Variants in SDCCAG8 observed in about 807,000 individuals in gnomAD.
SDCCAG8 encodes the protein SHH signaling and ciliogenesis regulator SDCCAG8.
In SDCCAG8, 74 loss-of-function variants were observed where a neutral mutation model predicts 101.8. The observed-to-expected ratio is 0.73, with a 90% CI of 0.60 to 0.88. SDCCAG8 has a LOEUF of 0.88. Ranked by LOEUF, SDCCAG8 falls within the 40% of genes least tolerant of loss-of-function variation. The pLI is 0.00. For missense variants in SDCCAG8, 787 were observed against 822.6 expected, an observed-to-expected ratio of 0.96 and a Z score of 0.53; for synonymous variants, 281 against 292.9, an observed-to-expected ratio of 0.96 and a Z score of 0.41.
At chr1:243,293,401 CT>C (rs1328631692) in intron 6 of SDCCAG8, 182 bp downstream of exon 6, 4 of 757,564 alleles carry the variant, frequency 5.3e-6, no homozygotes, top group Non-Finnish European at 6.8e-6. Flanking sequence ...ATTTTCAGAA[CT>C]TTTTGATCAT....
chr1:243,348,160 C>T (rs1180855907), intron 12 of SDCCAG8, among the ~76,000 whole-genome samples: 3 of 150,838 alleles, frequency 2.0e-5, no homozygotes, highest in Non-Finnish European at 3.0e-5. Context: ...CTCAGCCTCC[C>T]GAGTAGCTGG....
chr1:243,334,725 G>C (rs1046048698), intron 10 of SDCCAG8, among the ~76,000 whole-genome samples: 4 of 152,054 alleles, frequency 2.6e-5, no homozygotes, highest in Admixed American at 2.6e-4. Context: ...CAGGTAGCTG[G>C]GACTAGAGAG....
rs902664548 is a variant in SDCCAG8 at position 243,304,737 on chromosome 1, G to A, written c.700G>A (p.Glu234Lys). ...ELEKLKLTYE[E>K]KCEIEESQLK... is the part of the protein sequence containing the mutation. Reference sequence around the variant, plus strand: ...GGAGAAGCTAAAACTTACTTATGAGGAAAAGTGTGAAATTGAGGAATCCCA... The same window carrying A: ...GGAGAAGCTAAAACTTACTTATGAGAAAAAGTGTGAAATTGAGGAATCCCA... The change falls in exon 7 of 18, where the codon GAA (glutamate) becomes AAA (lysine). Residue 234 changes from glutamate (E) to lysine (K), a missense_variant. Transcript: ENST00000366541. 1 of 1,593,748 alleles carries A rather than the reference G, an allele frequency of 6.3e-7. No individual in the cohort carries two copies. Among genetic ancestry groups the A allele is most frequent in the Non-Finnish European group, 8.6e-7 (1 of 1,161,746 alleles).
intron 16 of SDCCAG8, among the ~76,000 whole-genome samples, chr1:243,433,414 T>C (rs1558462149): frequency 6.6e-6 from 1 of 151,496 alleles, no homozygotes; most frequent in African/African-American, 2.4e-5. Context: ...GCAGACTTCC[T>C]TTCTGTTTGG....
rs368656599 is a variant in SDCCAG8, at chr1:243,256,113, G to T, written c.-61G>T. The T allele has an allele frequency of 3.3e-6, 5 of 1,520,912 alleles. No individual in the cohort carries two copies. In the Admixed American group the frequency reaches 5.0e-5, roughly 15 times the overall value. The allele number at this position is 1,520,912 out of a possible 1,614,324, so 94.2% of individuals were successfully genotyped here. ...CCCCGGCCACAGGCCTGTTGTTCTC[G>T]GAAGGGAGAAAGCTGGACATTTCCC... is the stretch of plus-strand genomic sequence containing the variant. On this transcript the variant is annotated 5_prime_UTR_variant, in exon 1 of 18. Transcript: ENST00000366541.
At chr1:243,485,138 C>T (rs1158257144) in intron 16 of SDCCAG8, among the ~76,000 whole-genome samples, 2 of 151,994 alleles carry the variant, frequency 1.3e-5, no homozygotes, top group African/African-American at 2.4e-5. Flanking sequence ...CCACCATTAA[C>T]GATGGTTAAG....
intron 17 of SDCCAG8, among the ~76,000 whole-genome samples, chr1:243,489,645 G>A (rs1279296065): frequency 1.3e-5 from 2 of 152,188 alleles, no homozygotes; most frequent in Non-Finnish European, 2.9e-5. Flanking sequence ...CAGAGCACCC[G>A]GCAGTGTTAC....
chr1:243,304,387 G>T (rs12085949), intron 6 of SDCCAG8, among the ~76,000 whole-genome samples: 42,135 of 152,058 alleles, frequency 0.28, 5,956 homozygotes, highest in South Asian at 0.46. Context: ...CACAATGAAG[G>T]ATTCTAATAA....
At chr1:243,497,060 C>A (rs1342846636) in intron 17 of SDCCAG8, among the ~76,000 whole-genome samples, 1 of 152,160 alleles carries the variant, frequency 6.6e-6, no homozygotes, top group Non-Finnish European at 1.5e-5. Context: ...GGGCTCATGT[C>A]CCACTGGCAT....
rs79471210 is a variant in SDCCAG8 at position 243,354,614 on chromosome 1, C to T, written c.1473+10283C>T. ...CAAGACCTGTGAAAGTAAATCTCTT[C>T]GGCCAGAGTTTCTTAGGTGTGTGAA... is the stretch of plus-strand genomic sequence containing the variant. On this transcript the variant is annotated intron_variant, in intron 12 of 17. Coordinates refer to ENST00000366541, the MANE Select transcript of SDCCAG8 (RefSeq NM_006642.5). 3.5e-4 allele frequency among the ~76,000 whole-genome samples: 53 copies of T among 152,258 alleles called. No homozygotes were observed. The East Asian group carries it at 3.7e-3, about 11-fold the overall frequency.
At chr1:243,363,946 G>C (rs1262452022) in intron 12 of SDCCAG8, among the ~76,000 whole-genome samples, 2 of 152,126 alleles carry the variant, frequency 1.3e-5, no homozygotes, top group African/African-American at 4.8e-5. Context: ...GCTAAAATTA[G>C]TTAGAAAATA....
chr1:243,498,285 G>A (rs1303267505), intron 17 of SDCCAG8, among the ~76,000 whole-genome samples: 1 of 152,224 alleles, frequency 6.6e-6, no homozygotes, highest in African/African-American at 2.4e-5. Flanking sequence ...GAGGACAGAA[G>A]GGAGTCCCCT....
intron 12 of SDCCAG8, among the ~76,000 whole-genome samples, chr1:243,351,829 C>A (rs2076095580): frequency 6.6e-6 from 1 of 152,190 alleles, no homozygotes; most frequent in South Asian, 2.1e-4. Flanking sequence ...AAATTACTTT[C>A]TTCATCTAAA....
At chr1:243,476,791 G>T (rs990711986) in intron 16 of SDCCAG8, among the ~76,000 whole-genome samples, 6 of 152,162 alleles carry the variant, frequency 3.9e-5, no homozygotes. Flanking sequence ...TTTCTGGAGT[G>T]GGAAGAAAGG....
chr1:243,377,389 T>C (rs1342373738), intron 12 of SDCCAG8, among the ~76,000 whole-genome samples: 1 of 151,978 alleles, frequency 6.6e-6, no homozygotes, highest in Non-Finnish European at 1.5e-5. Flanking sequence ...GGTATAACTT[T>C]AATAACACAG....
At chr1:243,320,975 A>G (rs998543330) in intron 9 of SDCCAG8, among the ~76,000 whole-genome samples, 4 of 152,098 alleles carry the variant, frequency 2.6e-5, no homozygotes, top group Non-Finnish European at 5.9e-5. Context: ...TACCCTTTAT[A>G]TGCCTTTATA....
chr1:243,424,080 T>C (rs1304472479), intron 15 of SDCCAG8, among the ~76,000 whole-genome samples: 1 of 152,156 alleles, frequency 6.6e-6, no homozygotes, highest in African/African-American at 2.4e-5. Context: ...TCTGTAGATA[T>C]TTTCAATATT....
At chr1:243,385,354 C>CA (rs1553336493) in intron 13 of SDCCAG8, among the ~76,000 whole-genome samples, 5 of 152,066 alleles carry the variant, frequency 3.3e-5, no homozygotes, top group Non-Finnish European at 7.4e-5. Context: ...GGCACTGCTG[C>CA]ACTCCAGCCT....
intron 13 of SDCCAG8, among the ~76,000 whole-genome samples, chr1:243,391,237 G>A (rs1230554409): frequency 6.6e-6 from 1 of 152,218 alleles, no homozygotes; most frequent in East Asian, 1.9e-4. Context: ...GATAAATCTT[G>A]GAATTAAAGC....
Sources: allele counts gnomAD v4.1 joint callset (sites outside exome capture counted in the v4.1 genomes callset), GRCh38; gene constraint gnomAD v4.1.1; transcripts MANE v1.5; gene names NCBI Gene and HGNC (gene_info 2026-07-23, HGNC 2026-07-21).